IGSF10: variants seen among roughly 807,000 people sequenced by gnomAD.
The protein encoded by IGSF10 is immunoglobulin superfamily member 10, also known as calvaria mechanical force protein 608.
IGSF10 carries 126 observed loss-of-function variants against 128.2 expected under a neutral mutation model. The observed-to-expected ratio is 0.98, with a 90% CI of 0.85 to 1.14. IGSF10 has a LOEUF of 1.14. IGSF10 is among the 50% of genes most tolerant of loss of function. IGSF10 has a pLI of 0.00. For missense variants in IGSF10, 3,295 were observed against 3,149.8 expected (o/e 1.05, Z -1.10); for synonymous variants, 1,185 against 1,146.2 (o/e 1.03, Z -0.68).
At chr3:151,619,058 A>C in the IGSF10 span, among the ~76,000 whole-genome samples, 142 of 151,752 alleles carry the variant, frequency 9.4e-4, 1 homozygote, top group Admixed American at 7.3e-3. Flanking sequence ...TAGTTACATA[A>C]AATGAAGTAA....
chr3:151,604,408 T>A, the IGSF10 span, among the ~76,000 whole-genome samples: 1 of 152,038 alleles, frequency 6.6e-6, no homozygotes, highest in East Asian at 1.9e-4. Context: ...CATATGTAAA[T>A]CAACTAGGAA....
At chr3:151,606,653 T>C in the IGSF10 span, among the ~76,000 whole-genome samples, 1 of 152,182 alleles carries the variant, frequency 6.6e-6, no homozygotes, top group Admixed American at 6.5e-5. Context: ...GGAGCAGGGG[T>C]GCCAGTCATT....
the IGSF10 span, among the ~76,000 whole-genome samples, chr3:151,612,584 T>G: frequency 9.2e-5 from 14 of 152,134 alleles, no homozygotes; most frequent in Non-Finnish European, 1.9e-4. Flanking sequence ...TCCCAGGTAA[T>G]AGATATCTGC....
At chr3:151,433,518 T>C (rs1000753223), downstream of IGSF10, 1 of 152,598 alleles carries the variant, frequency 6.6e-6, no homozygotes, top group Non-Finnish European at 1.5e-5. Flanking sequence ...TAGAAGTAGC[T>C]GTACTCAAAT....
At chr3:151,610,972 T>C in the IGSF10 span, among the ~76,000 whole-genome samples, 9 of 152,194 alleles carry the variant, frequency 5.9e-5, no homozygotes, top group Admixed American at 1.3e-4. Flanking sequence ...AGAGGATACA[T>C]TCAAACCATA....
chr3:151,560,561 C>G, the IGSF10 span, among the ~76,000 whole-genome samples: 1 of 152,164 alleles, frequency 6.6e-6, no homozygotes, highest in South Asian at 2.1e-4. Flanking sequence ...TTTTTCCCAC[C>G]CCTATAACGT....
chr3:151,479,985 CT>C, the IGSF10 span, among the ~76,000 whole-genome samples: 778 of 148,624 alleles, frequency 5.2e-3, 8 homozygotes, highest in African/African-American at 0.017. Context: ...TTTTATCACA[CT>C]TTTTTTTTTA....
chr3:151,607,768 G>A, the IGSF10 span, among the ~76,000 whole-genome samples: 6 of 151,512 alleles, frequency 4.0e-5, no homozygotes, highest in Admixed American at 2.0e-4. Context: ...AAAATTAGCC[G>A]GGTGTGGTGG....
At chr3:151,613,405 C>A in the IGSF10 span, among the ~76,000 whole-genome samples, 2 of 152,096 alleles carry the variant, frequency 1.3e-5, no homozygotes, top group African/African-American at 4.8e-5. Context: ...GGAGGCATCA[C>A]GCTACCTGAC....
chr3:151,513,940 A>T, the IGSF10 span, among the ~76,000 whole-genome samples: 1 of 152,198 alleles, frequency 6.6e-6, no homozygotes, highest in Non-Finnish European at 1.5e-5. Context: ...CTTCAAGGAG[A>T]ACTACCAACC....
At chr3:151,552,140 G>A in the IGSF10 span, among the ~76,000 whole-genome samples, 1 of 152,114 alleles carries the variant, frequency 6.6e-6, no homozygotes, top group East Asian at 1.9e-4. Flanking sequence ...TAAAAAGTGT[G>A]TAGCATTTCC....
chr3:151,472,859 T>G, the IGSF10 span, among the ~76,000 whole-genome samples: 1 of 152,130 alleles, frequency 6.6e-6, no homozygotes, highest in South Asian at 2.1e-4. Context: ...AGGAAGACTA[T>G]TTTTGAACCT....
the IGSF10 span, among the ~76,000 whole-genome samples, chr3:151,594,471 C>G: frequency 6.6e-6 from 1 of 151,462 alleles, no homozygotes; most frequent in Non-Finnish European, 1.5e-5. Flanking sequence ...GTAGCTGGGA[C>G]TACAGGCACC....
At chr3:151,560,171 T>C in the IGSF10 span, among the ~76,000 whole-genome samples, 1 of 152,164 alleles carries the variant, frequency 6.6e-6, no homozygotes, top group Non-Finnish European at 1.5e-5. Context: ...CTCTTAATAG[T>C]TGCCCTTTTG....
chr3:151,552,919 A>G, the IGSF10 span, among the ~76,000 whole-genome samples: 26 of 152,138 alleles, frequency 1.7e-4, no homozygotes, highest in African/African-American at 6.0e-4. Context: ...GTTATATTAC[A>G]TAATTTTTAA....
At position 151,436,755 on chromosome 3, in the gene IGSF10, T is replaced by C. The variant is rs767436967; in HGVS notation, c.7806A>G (p.Ile2602Met). 5.0e-6 allele frequency: 8 copies of C among 1,614,204 alleles called. No homozygotes were observed. In the South Asian group the frequency reaches 8.8e-5, roughly 18 times the overall value. The part of the protein sequence containing the change: ...IQNPQTSDSG[I>M]YKCTAKNPLG... ...GTGGGTTCTTTGCTGTGCATTTGTA[T>C]ATCCCAGAATCGGAGGTTTGGGGAT... The change falls in exon 8 of 8, where the codon ATA (isoleucine) becomes ATG (methionine). Residue 2602 changes from isoleucine (I) to methionine (M), a missense_variant. By Grantham distance (10) the Ile-to-Met change is conservative. Transcript: ENST00000282466.
chr3:151,544,193 G>A, the IGSF10 span, among the ~76,000 whole-genome samples: 1 of 152,340 alleles, frequency 6.6e-6, no homozygotes, highest in Admixed American at 6.5e-5. Context: ...ACAGGCATGA[G>A]CCACCACACC....
chr3:151,543,385 G>A, the IGSF10 span, among the ~76,000 whole-genome samples: 1 of 152,156 alleles, frequency 6.6e-6, no homozygotes, highest in Admixed American at 6.5e-5. Flanking sequence ...GTCTGCTCCA[G>A]CTCTGTGGCT....
chr3:151,618,525 T>A, the IGSF10 span, among the ~76,000 whole-genome samples: 1 of 151,836 alleles, frequency 6.6e-6, no homozygotes, highest in Non-Finnish European at 1.5e-5. Flanking sequence ...GGTCAGGAGA[T>A]CAAGACCATC....
Sources: gnomAD v4.1 joint callset for allele counts (sites outside exome capture counted in the v4.1 genomes callset) on GRCh38, gnomAD v4.1.1 for gene constraint, MANE v1.5 for transcripts, NCBI Gene and HGNC (gene_info 2026-07-23, HGNC 2026-07-21) for gene names.